ADH1A: variants seen among roughly 807,000 people sequenced by gnomAD.
The protein encoded by ADH1A is alcohol dehydrogenase 1A.
ADH1A carries 29 observed loss-of-function variants against 35.2 expected under a neutral mutation model. The ratio of observed to expected loss-of-function variants is 0.82; its 90% CI spans 0.61 to 1.12. The LOEUF is 1.12. Among genes scored for constraint, ADH1A ranks in the 50% most tolerant of loss-of-function variants. The probability of loss-of-function intolerance (pLI) is 0.00; values close to 1 mark genes in which losing one functional copy is unlikely to be tolerated. For synonymous variants in ADH1A, 147 were observed against 164.8 expected, an observed-to-expected ratio of 0.89 and a Z score of 0.83; for missense variants, 469 against 464.7, an observed-to-expected ratio of 1.01 and a Z score of -0.09.
In ADH1A at chr4:99,286,953, G is replaced by C; in HGVS notation, c.156C>G (p.His52Gln). The change falls in exon 3 of 9, where the codon CAC becomes CAG. Residue 52 changes from histidine to glutamine, a missense_variant. Coordinates refer to ENST00000209668, the MANE Select transcript of ADH1A (RefSeq NM_000667.4). ...GGGTCACCATGGTACCACTAACCAC[G>C]TGGTCATCTGTGCCACAGATTCCTA... is the stretch of plus-strand genomic sequence containing the variant. ...VAVGICGTDD[H>Q]VVSGTMVTPL... 1 of 1,614,166 alleles carries C rather than the reference G, an allele frequency of 6.2e-7. No individual in the cohort carries two copies. Among genetic ancestry groups the C allele is most frequent in the Non-Finnish European group, 8.5e-7 (1 of 1,180,022 alleles).
intron 8 of ADH1A, 140 bp from the exon 9 acceptor site, chr4:99,276,788 T>A: frequency 1.3e-6 from 1 of 768,294 alleles, no homozygotes; most frequent in Non-Finnish European, 2.2e-6. Flanking sequence ...TCGGGTCAAG[T>A]GAAGTCAAAG....
At chr4:99,276,771 C>A (rs952913096) in intron 8 of ADH1A, 123 bp from the exon 9 acceptor site, 3 of 896,260 alleles carry the variant, frequency 3.3e-6, no homozygotes, top group Non-Finnish European at 5.4e-6. Flanking sequence ...ATCCCACCCC[C>A]ATGCATTCGG....
chr4:99,278,990 C>G (rs1382871051), intron 8 of ADH1A, among the ~76,000 whole-genome samples: 1 of 152,204 alleles, frequency 6.6e-6, no homozygotes, highest in African/African-American at 2.4e-5. Flanking sequence ...TATAGTTTCA[C>G]ATACTCCAAT....
chr4:99,290,087 T>C (rs1733256399), intron 1 of ADH1A, among the ~76,000 whole-genome samples: 1 of 152,188 alleles, frequency 6.6e-6, no homozygotes, highest in Admixed American at 6.5e-5. Context: ...TTTTTGTAAT[T>C]AGGCAATTAA....
intron 6 of ADH1A, 28 bp downstream of exon 6, chr4:99,282,317 GA>G: frequency 6.2e-7 from 1 of 1,614,200 alleles, no homozygotes; most frequent in Admixed American, 1.7e-5. Flanking sequence ...TGTAGAGGCA[GA>G]AATCTCAGGG....
At chr4:99,287,471 T>A (rs1379890314) in intron 2 of ADH1A, 93 bp downstream of exon 2, 1 of 1,243,804 alleles carries the variant, frequency 8.0e-7, no homozygotes, top group African/African-American at 1.5e-5. Context: ...TATATTCTAT[T>A]TTCTGGATGA....
At chr4:99,276,924 G>T (rs1419396761) in intron 8 of ADH1A, among the ~76,000 whole-genome samples, 1 of 152,094 alleles carries the variant, frequency 6.6e-6, no homozygotes, top group Non-Finnish European at 1.5e-5. Context: ...TCATTGTTGT[G>T]TGCCCACGTT....
intron 5 of ADH1A, 137 bp downstream of exon 5, chr4:99,284,262 T>C (rs966864170): frequency 1.0e-6 from 1 of 967,618 alleles, no homozygotes; most frequent in Admixed American, 2.5e-5. Context: ...CTCTCAATTC[T>C]TTCTGGATTG....
chr4:99,282,645 T>C (rs1289308088), intron 5 of ADH1A, 39 bp from the exon 6 acceptor site: 1 of 1,598,138 alleles, frequency 6.3e-7, no homozygotes, highest in East Asian at 2.2e-5. Context: ...TTATAAAAAC[T>C]TTATAAAGTG....
intron 5 of ADH1A, 26 bp from the exon 6 acceptor site, chr4:99,282,632 G>T (rs1382181471): frequency 6.2e-7 from 1 of 1,603,700 alleles, no homozygotes. Flanking sequence ...ATGCAAAAAT[G>T]GATTATAAAA....
chr4:99,288,611 GTTC>G (rs1733215785), intron 1 of ADH1A: 1 of 152,074 alleles, frequency 6.6e-6, no homozygotes, highest in African/African-American at 2.4e-5. Flanking sequence ...ATTGAAATTT[GTTC>G]TTCTGATAAT....
At chr4:99,280,314 G>A (rs1277960461) in intron 6 of ADH1A, 35 bp from the exon 7 acceptor site, 1 of 1,611,646 alleles carries the variant, frequency 6.2e-7, no homozygotes, top group Non-Finnish European at 8.5e-7. Flanking sequence ...TTCTTAACAT[G>A]GAGTCGCATA....
chr4:99,284,560 T>C lies in ADH1A; in HGVS notation c.406A>G (p.Lys136Glu). ...DGTSRFTCRRKPIHHFLGIST... is the reference protein window; with the variant it reads ...DGTSRFTCRREPIHHFLGIST... ...ATGCCAAGGAAGTGGTGGATGGGCTTCCTCCTGCAGGTGAACCTGCTGGTG... is the reference window on the plus strand; with the variant it reads ...ATGCCAAGGAAGTGGTGGATGGGCTCCCTCCTGCAGGTGAACCTGCTGGTG... Residue 136 changes from lysine to glutamate, a missense_variant, in exon 5 of 9, where the codon AAG (lysine) becomes GAG (glutamate). Physicochemically the swap from Lys to Glu is moderately conservative, Grantham distance 56. Transcript: ENST00000209668. 1 of 1,614,224 alleles carries C rather than the reference T, an allele frequency of 6.2e-7. No individual in the cohort carries two copies.
rs1408227495 is a variant in ADH1A at position 99,290,880 on chromosome 4, A to G, written c.18+17T>C. On this transcript the variant is annotated intron_variant, in intron 1 of 8. Coordinates refer to ENST00000209668, the MANE Select transcript of ADH1A (RefSeq NM_000667.4). ...TGATGAGAATATAGTTCCAACAGTAATATATTTTTTGCTTACTTTTCCTGC... is the reference window on the plus strand; with the variant it reads ...TGATGAGAATATAGTTCCAACAGTAGTATATTTTTTGCTTACTTTTCCTGC... 1 of 1,610,662 alleles carries G rather than the reference A, an allele frequency of 6.2e-7. No individual in the cohort carries two copies. Among genetic ancestry groups the G allele is most frequent in the Admixed American group, 1.7e-5 (1 of 60,020 alleles).
At chr4:99,280,827 C>G (rs1732985880) in intron 6 of ADH1A, among the ~76,000 whole-genome samples, 1 of 152,004 alleles carries the variant, frequency 6.6e-6, no homozygotes, top group Admixed American at 6.6e-5. Flanking sequence ...TTTTATCTCC[C>G]CAAATATATA....
intron 8 of ADH1A, among the ~76,000 whole-genome samples, chr4:99,278,231 A>G (rs892660312): frequency 6.6e-6 from 1 of 152,124 alleles, no homozygotes; most frequent in African/African-American, 2.4e-5. Context: ...GATGATGATG[A>G]TCACGATGAT....
intron 8 of ADH1A, chr4:99,278,448 C>A (rs552272833): frequency 6.6e-6 from 1 of 152,152 alleles, no homozygotes; most frequent in East Asian, 1.9e-4. Context: ...TTTCTCTTCT[C>A]TAAGATAGTG....
Position 99,280,397 on chromosome 4 carries a change from T to C in ADH1A, c.829-118A>G, listed in dbSNP as rs1732972696. 31 of 1,519,026 alleles carry C rather than the reference T, an allele frequency of 2.0e-5. 1 individual carries two copies. Among genetic ancestry groups the C allele is most frequent in the Middle Eastern group, 2.4e-4 (1 of 4,096 alleles). The allele number at this position is 1,519,026 out of a possible 1,614,324, so 94.1% of individuals were successfully genotyped here. ...GTGAGTGTGTAGAGGGAAGAGATTA[T>C]GTCTTTTGCTCCTTCAGTCCCCTTT... On this transcript the variant is annotated intron_variant, in intron 6 of 8. Transcript: ENST00000209668.
In ADH1A at chr4:99,284,486, T is replaced by G. The variant is rs1217013632; in HGVS notation, c.480A>C (p.Lys160Asn). ...TCTCTAGAGGCGAGGCTGCATCAAT[T>G]TTGGCTACTGCATTTTCATCCACCA... ...YTVVDENAVA[K>N]IDAASPLEKV... Residue 160 changes from lysine (K) to asparagine (N), a missense_variant, in exon 5 of 9, where the codon AAA becomes AAC. Coordinates refer to ENST00000209668, the MANE Select transcript of ADH1A (RefSeq NM_000667.4). 1 of 1,614,068 alleles carries G rather than the reference T, an allele frequency of 6.2e-7. No homozygotes were observed. Among genetic ancestry groups the G allele is most frequent in the Admixed American group, 1.7e-5 (1 of 60,002 alleles).
Sources: allele counts gnomAD v4.1 joint callset (sites outside exome capture counted in the v4.1 genomes callset), GRCh38; gene constraint gnomAD v4.1.1; transcripts MANE v1.5; gene names NCBI Gene and HGNC (gene_info 2026-07-23, HGNC 2026-07-21).